DNM2: variants seen among roughly 807,000 people sequenced by gnomAD.
DNM2 encodes dynamin 2, also known as dynamin-2.
Under a neutral mutation model 99.0 loss-of-function variants are expected in DNM2, and 15 were observed. The ratio of observed to expected loss-of-function variants is 0.15; its 90% CI spans 0.10 to 0.23. The LOEUF is 0.23. Ranked by LOEUF, DNM2 falls within the 10% of genes least tolerant of loss-of-function variation. The probability of loss-of-function intolerance (pLI) is 1.00; values close to 1 mark genes in which losing one functional copy is unlikely to be tolerated. For synonymous variants in DNM2, 525 were observed against 481.2 expected (o/e 1.09, Z -1.19); for missense variants, 742 against 1,189.4 (o/e 0.62, Z 5.53).
chr19:10,766,504 G>C (rs1295105440), intron 2 of DNM2, among the ~76,000 whole-genome samples: 1 of 152,180 alleles, frequency 6.6e-6, no homozygotes, highest in Non-Finnish European at 1.5e-5. Flanking sequence ...GGGATTGACT[G>C]TTTAGCACAG....
rs140374146 is a variant in DNM2 at position 10,780,042 on chromosome 19, G to A, written c.688+2826G>A. Among the ~76,000 whole-genome samples the A allele has an allele frequency of 1.5e-3, 221 of 152,118 alleles. 1 individual carries two copies. The highest frequency in any genetic ancestry group is 7.3e-3 in the South Asian group (35 of 4,822). On this transcript the variant is annotated intron_variant, in intron 5 of 20. Transcript: ENST00000389253. ...CCTGCCTTTCCCTTCATGCTTAGCC[G>A]CAGTCATTTAGAGCATTTCTTTTAC...
chr19:10,792,015 C>T (rs189065789), intron 7 of DNM2, among the ~76,000 whole-genome samples: 1 of 152,222 alleles, frequency 6.6e-6, no homozygotes, highest in African/African-American at 2.4e-5. Flanking sequence ...TTGAACCCGG[C>T]AGGCGGAGGT....
In DNM2 at chr19:10,811,665, TCAG is replaced by T. The variant is rs1481724670; in HGVS notation, c.1558-598_1558-596del. On this transcript the variant is annotated intron_variant, in intron 14 of 20. Transcript: ENST00000389253. The surrounding 1 kb of genome is among the most constrained non-coding windows in gnomAD (Gnocchi z 5.4). ...CCCCCAGGCTGCCTGCCGTTAGTTG[TCAG>T]GTGAGTCCCTGCGCAGGCCTGGGTT... 7.8e-6 allele frequency: 4 copies of T among 510,298 alleles called. No individual in the cohort carries two copies. The Admixed American group carries it at 8.0e-5, about 10-fold the overall frequency. 31.6% of individuals were successfully genotyped at this position (510,298 alleles called of 1,614,324 possible).
chr19:10,767,062 G>T lies in DNM2; in HGVS notation c.236-5417G>T, dbSNP rs1266597210. On this transcript the variant is annotated intron_variant, in intron 2 of 20. Coordinates refer to ENST00000389253, the MANE Select transcript of DNM2 (RefSeq NM_001005361.3). ...TGGAAATGCCTGTCTGCAGAGGGTGGCTGTGGGGTGCAGCTTGATGGCAGG... is the reference window on the plus strand; with the variant it reads ...TGGAAATGCCTGTCTGCAGAGGGTGTCTGTGGGGTGCAGCTTGATGGCAGG... 2.0e-5 allele frequency among the ~76,000 whole-genome samples: 3 copies of T among 152,242 alleles called. No individual in the cohort carries two copies. In the East Asian group the frequency reaches 5.8e-4, roughly 29 times the overall value.
intron 1 of DNM2, among the ~76,000 whole-genome samples, chr19:10,722,071 G>GTGAT (rs1474726569): frequency 2.6e-5 from 4 of 152,152 alleles, no homozygotes; most frequent in Non-Finnish European, 5.9e-5. Flanking sequence ...GCCTAGATGG[G>GTGAT]TGATTGGGTG....
In DNM2 at chr19:10,817,527, C is replaced by G. The variant is rs910566328; in HGVS notation, c.1672-2453C>G. 5.0e-5 allele frequency: 22 copies of G among 439,722 alleles called. No homozygotes were observed. Among genetic ancestry groups the G allele is most frequent in the Non-Finnish European group, 1.0e-4 (22 of 215,132 alleles). 27.2% of individuals were successfully genotyped at this position (439,722 alleles called of 1,614,324 possible). On this transcript the variant is annotated intron_variant, in intron 15 of 20. Transcript: ENST00000389253. This position sits in a 1 kb window ranked among gnomAD's most constrained non-coding sequence, Gnocchi z 4.6. Reference sequence around the variant, plus strand: ...CGGCTATCCATCCTGCAGAACCCCCCAGGCAGACGCTGGGGCCACCAGGCC... The same window carrying G: ...CGGCTATCCATCCTGCAGAACCCCCGAGGCAGACGCTGGGGCCACCAGGCC...
rs766892707 is a variant in DNM2, at chr19:10,831,229, C to T, written c.*182C>T. Reference sequence around the variant, plus strand: ...CTGTGCCTGGCTGGACACCGCACTGCGCAAAGGGGCCCTGGAGCTCCAGGC... The same window carrying T: ...CTGTGCCTGGCTGGACACCGCACTGTGCAAAGGGGCCCTGGAGCTCCAGGC... On this transcript the variant is annotated 3_prime_UTR_variant, in exon 21 of 21. Coordinates refer to ENST00000389253, the MANE Select transcript of DNM2 (RefSeq NM_001005361.3). This position sits in a 1 kb window ranked among gnomAD's most constrained non-coding sequence, Gnocchi z 4.3. The T allele has an allele frequency of 2.7e-5, 37 of 1,351,852 alleles. No homozygotes were observed. The highest frequency in any genetic ancestry group is 7.1e-5 in the Admixed American group (2 of 28,000). 83.7% of individuals were successfully genotyped at this position (1,351,852 alleles called of 1,614,324 possible). A position where few individuals can be genotyped will look rare whatever the true frequency, so the allele number is the denominator to read the frequency against.
intron 6 of DNM2, among the ~76,000 whole-genome samples, chr19:10,784,819 A>ATAT: frequency 1.0e-5 from 1 of 99,440 alleles, no homozygotes; most frequent in Admixed American, 1.4e-4. Context: ...TTTTTTGATG[A>ATAT]TTTTTTTTTT....
chr19:10,746,194 C>G (rs921798351), intron 1 of DNM2, among the ~76,000 whole-genome samples: 2 of 152,192 alleles, frequency 1.3e-5, no homozygotes, highest in Non-Finnish European at 2.9e-5. Context: ...CTCTGGACCT[C>G]AGGTGATCCA....
rs2072731072 is a variant in DNM2 at position 10,816,145 on chromosome 19, C to T, written c.1671+3768C>T. ...GGTCCCCCTGGGGTGGAGGCTTCCCCAGTGCACGTCTGCGGGCCCATGCTC... is the reference window on the plus strand; with the variant it reads ...GGTCCCCCTGGGGTGGAGGCTTCCCTAGTGCACGTCTGCGGGCCCATGCTC... On this transcript the variant is annotated intron_variant, in intron 15 of 20. Coordinates refer to ENST00000389253, the MANE Select transcript of DNM2 (RefSeq NM_001005361.3). The surrounding 1 kb of genome is among the most constrained non-coding windows in gnomAD (Gnocchi z 4.6). Among the ~76,000 whole-genome samples, 1 of 152,116 alleles carries T rather than the reference C, an allele frequency of 6.6e-6. No individual in the cohort carries two copies. The highest frequency in any genetic ancestry group is 1.5e-5 in the Non-Finnish European group (1 of 67,980).
At position 10,830,335 on chromosome 19, in the gene DNM2, C is replaced by A. The variant is rs367898095; in HGVS notation, c.2500C>A (p.Arg834=). Reference sequence around the variant, plus strand: ...CCCAGCCCCGCCTCAGATCCCATCTCGGCCAGTTCGGATCCCCCCAGGGAT... The same window carrying A: ...CCCAGCCCCGCCTCAGATCCCATCTAGGCCAGTTCGGATCCCCCCAGGGAT... ...LFPAPPQIPS[R]PVRIPPGIPP... The change falls in exon 20 of 21, where the codon CGG becomes AGG. Residue 834 remains arginine, a synonymous_variant. Coordinates refer to ENST00000389253, the MANE Select transcript of DNM2 (RefSeq NM_001005361.3). The surrounding 1 kb of genome is among the most constrained non-coding windows in gnomAD (Gnocchi z 4.8). 1.5e-5 allele frequency: 24 copies of A among 1,613,152 alleles called. No homozygotes were observed. The highest frequency in any genetic ancestry group is 9.3e-5 in the African/African-American group (7 of 75,034).
At chr19:10,757,134 T>C (rs2070415740) in intron 1 of DNM2, among the ~76,000 whole-genome samples, 1 of 152,144 alleles carries the variant, frequency 6.6e-6, no homozygotes, top group Non-Finnish European at 1.5e-5. Flanking sequence ...TGGAGGCTGC[T>C]TCTAAAACTT....
intron 1 of DNM2, among the ~76,000 whole-genome samples, chr19:10,736,102 A>G (rs931586964): frequency 2.6e-5 from 4 of 151,992 alleles, no homozygotes; most frequent in Admixed American, 6.6e-5. Context: ...GTCTCTACTA[A>G]AAATACAAAA....
intron 1 of DNM2, among the ~76,000 whole-genome samples, chr19:10,725,451 A>G (rs1485751256): frequency 6.6e-6 from 1 of 151,932 alleles, no homozygotes; most frequent in African/African-American, 2.4e-5. Flanking sequence ...ATCTCAAAAA[A>G]AAAAAAAAAA....
chr19:10,812,694 G>A lies in DNM2; in HGVS notation c.1671+317G>A, dbSNP rs1012481695. On this transcript the variant is annotated intron_variant, in intron 15 of 20. Transcript: ENST00000389253. This position sits in a 1 kb window ranked among gnomAD's most constrained non-coding sequence, Gnocchi z 4.0. ...CCCAGCTACTCAGGAGGCTGAGGCAGGAGAATCGTTTGAACCCGGGAGGCG... is the reference window on the plus strand; with the variant it reads ...CCCAGCTACTCAGGAGGCTGAGGCAAGAGAATCGTTTGAACCCGGGAGGCG... 6.6e-6 allele frequency among the ~76,000 whole-genome samples: 1 copy of A among 152,208 alleles called. No individual in the cohort carries two copies. Among genetic ancestry groups the A allele is most frequent in the Non-Finnish European group, 1.5e-5 (1 of 68,032 alleles).
At chr19:10,761,222 C>T (rs1446062212) in intron 2 of DNM2, among the ~76,000 whole-genome samples, 1 of 152,010 alleles carries the variant, frequency 6.6e-6, no homozygotes, top group East Asian at 1.9e-4. Flanking sequence ...CTCTTGACCT[C>T]GTGATCCGCC....
At chr19:10,758,066 T>C (rs980149296) in intron 1 of DNM2, among the ~76,000 whole-genome samples, 2 of 152,136 alleles carry the variant, frequency 1.3e-5, no homozygotes, top group African/African-American at 2.4e-5. Flanking sequence ...CTGTTTCTAC[T>C]TCAGTCCTCA....
In DNM2 at chr19:10,799,700, A is replaced by AT. The variant is rs1808987047; in HGVS notation, c.1422+1133dup. Among the ~76,000 whole-genome samples, 6 of 151,632 alleles carry AT rather than the reference A, an allele frequency of 4.0e-5. No homozygotes were observed. In the South Asian group the frequency reaches 1.2e-3, roughly 32 times the overall value. ...AGGCACATGCCACTTTACCCACCTA[A>AT]TTTTTGTATTTTTAGTAGAGAGAGA... On this transcript the variant is annotated intron_variant, in intron 11 of 20. Transcript: ENST00000389253.
chr19:10,792,897 C>T (rs953153270), intron 7 of DNM2, among the ~76,000 whole-genome samples: 6 of 152,064 alleles, frequency 3.9e-5, no homozygotes, highest in South Asian at 2.1e-4. Flanking sequence ...TGTGAGCCAC[C>T]GTGTCCAGTA....
Sources: allele counts gnomAD v4.1 joint callset (sites outside exome capture counted in the v4.1 genomes callset), GRCh38; gene constraint gnomAD v4.1.1; non-coding constraint Gnocchi (gnomAD v3.1); transcripts MANE v1.5; gene names NCBI Gene and HGNC (gene_info 2026-07-23, HGNC 2026-07-21).